Variants in PNLIPRP3 observed in about 807,000 individuals in gnomAD.
PNLIPRP3 encodes pancreatic lipase related protein 3.
In PNLIPRP3, 58 loss-of-function variants were observed where a neutral mutation model predicts 52.8. That is an observed-to-expected ratio of 1.10 (90% CI 0.89 to 1.37). The LOEUF (loss-of-function observed/expected upper bound fraction) is 1.37, where lower values mean the gene tolerates loss of function less well. Among genes scored for constraint, PNLIPRP3 ranks in the 40% most tolerant of loss-of-function variants. PNLIPRP3 has a pLI of 0.00. For synonymous variants in PNLIPRP3, 192 were observed against 185.0 expected, an observed-to-expected ratio of 1.04 and a Z score of -0.31; for missense variants, 593 against 561.6, an observed-to-expected ratio of 1.06 and a Z score of -0.57.
intron 4 of PNLIPRP3, among the ~76,000 whole-genome samples, chr10:116,450,899 CA>C (rs1846025017): frequency 1.0e-5 from 1 of 100,086 alleles, no homozygotes; most frequent in Non-Finnish European, 2.4e-5. Context: ...TAATACCTAT[CA>C]AAATTCCAGT....
chr10:116,435,316 A>G (rs1176177442), intron 1 of PNLIPRP3, among the ~76,000 whole-genome samples: 1 of 152,100 alleles, frequency 6.6e-6, no homozygotes, highest in African/African-American at 2.4e-5. Flanking sequence ...AGGGAGGAAG[A>G]GAGGGAGAGT....
chr10:116,477,270 T>TA lies in PNLIPRP3; in HGVS notation c.*117_*118insA, dbSNP rs1846488220. ...TAAATGACTTAGTCATTTACAAGGG[T>TA]CTTACTCAGAGTCAAGTACGGGTTT... On this transcript the variant is annotated 3_prime_UTR_variant, in exon 12 of 12. Coordinates refer to ENST00000369230, the MANE Select transcript of PNLIPRP3 (RefSeq NM_001011709.3). 5.3e-6 allele frequency: 4 copies of TA among 753,612 alleles called. No individual in the cohort carries two copies. In the East Asian group the frequency reaches 1.1e-4, roughly 21 times the overall value. 46.7% of individuals were successfully genotyped at this position (753,612 alleles called of 1,614,324 possible). A position where few individuals can be genotyped will look rare whatever the true frequency, so the allele number is the denominator to read the frequency against.
At chr10:116,456,843 G>T (rs1352906652) in intron 5 of PNLIPRP3, among the ~76,000 whole-genome samples, 1 of 152,118 alleles carries the variant, frequency 6.6e-6, no homozygotes, top group African/African-American at 2.4e-5. Context: ...TCCATCCTCT[G>T]GTCATTGTCC....
rs112348492 is a variant in PNLIPRP3 at position 116,443,493 on chromosome 10, T to C, written c.324+319T>C. ...GTTAACTCCATGAAATTAATCTTTC[T>C]CTCCTATACTTAAGATTAATAGACT... is the stretch of plus-strand genomic sequence containing the variant. On this transcript the variant is annotated intron_variant, in intron 3 of 11. Transcript: ENST00000369230. 2.7e-3 allele frequency among the ~76,000 whole-genome samples: 402 copies of C among 151,482 alleles called. 4 individuals carry two copies. The highest frequency in any genetic ancestry group is 9.3e-3 in the African/African-American group (386 of 41,378).
chr10:116,431,776 G>C (rs1420044794), intron 1 of PNLIPRP3, among the ~76,000 whole-genome samples: 1 of 152,068 alleles, frequency 6.6e-6, no homozygotes, highest in Non-Finnish European at 1.5e-5. Flanking sequence ...TCTTCTCCCT[G>C]TCTCCATTCC....
At chr10:116,444,133 T>A (rs1459139232) in intron 3 of PNLIPRP3, among the ~76,000 whole-genome samples, 1 of 151,732 alleles carries the variant, frequency 6.6e-6, no homozygotes, top group African/African-American at 2.4e-5. Context: ...TCATAAGAAC[T>A]CACTATCACG....
chr10:116,477,473 A>G lies in PNLIPRP3; in HGVS notation c.*320A>G, dbSNP rs1035811018. 6 of 184,666 alleles carry G rather than the reference A, an allele frequency of 3.2e-5. No individual in the cohort carries two copies. In the Admixed American group the frequency reaches 3.6e-4, roughly 11 times the overall value. 11.4% of individuals were successfully genotyped at this position (184,666 alleles called of 1,614,324 possible). On this transcript the variant is annotated 3_prime_UTR_variant, in exon 12 of 12. Coordinates refer to ENST00000369230, the MANE Select transcript of PNLIPRP3 (RefSeq NM_001011709.3). ...AAATGTATGTTGAGTGTATAAACTC[A>G]CTGGACAAAAGTAAGCCTCTGGCTT...
rs182735240 is a variant in PNLIPRP3 at position 116,457,499 on chromosome 10, A to C, written c.565+1669A>C. Among the ~76,000 whole-genome samples, 169 of 152,284 alleles carry C rather than the reference A, an allele frequency of 1.1e-3. 1 individual carries two copies. The highest frequency in any genetic ancestry group is 4.0e-3 in the African/African-American group (166 of 41,556). ...TGCAATCTGTTGATATAACAGGCTTATTCCTGCTATAAGTCATCTCTCTTC... is the reference window on the plus strand; with the variant it reads ...TGCAATCTGTTGATATAACAGGCTTCTTCCTGCTATAAGTCATCTCTCTTC... On this transcript the variant is annotated intron_variant, in intron 5 of 11. Transcript: ENST00000369230.
intron 2 of PNLIPRP3, among the ~76,000 whole-genome samples, 179 bp downstream of exon 2, chr10:116,437,044 T>C (rs1415880090): frequency 6.6e-6 from 1 of 151,956 alleles, no homozygotes; most frequent in African/African-American, 2.4e-5. Flanking sequence ...TATTATCTGT[T>C]CTGATATATC....
chr10:116,467,907 C>T (rs962584553), intron 8 of PNLIPRP3, among the ~76,000 whole-genome samples: 2 of 151,886 alleles, frequency 1.3e-5, no homozygotes, highest in African/African-American at 2.4e-5. Flanking sequence ...AGGCGGATCA[C>T]TAGGTCAGGA....
chr10:116,466,987 TC>T (rs1846289979), intron 8 of PNLIPRP3, among the ~76,000 whole-genome samples: 1 of 152,166 alleles, frequency 6.6e-6, no homozygotes, highest in South Asian at 2.1e-4. Flanking sequence ...ATCCTCCTTG[TC>T]CCCGACCTCT....
chr10:116,464,547 T>G (rs1370333917), intron 7 of PNLIPRP3, among the ~76,000 whole-genome samples: 1 of 152,186 alleles, frequency 6.6e-6, no homozygotes, highest in Non-Finnish European at 1.5e-5. Context: ...GTAGGGCAGG[T>G]GGCTTCAGGC....
chr10:116,450,399 G>C (rs1460153357), intron 4 of PNLIPRP3, among the ~76,000 whole-genome samples: 2 of 151,994 alleles, frequency 1.3e-5, no homozygotes, highest in Non-Finnish European at 2.9e-5. Flanking sequence ...GGATACCCCT[G>C]AACTAGATAA....
intron 5 of PNLIPRP3, among the ~76,000 whole-genome samples, chr10:116,456,750 G>A (rs1429374288): frequency 1.3e-5 from 2 of 152,190 alleles, no homozygotes; most frequent in Non-Finnish European, 2.9e-5. Context: ...TTTACCAACA[G>A]GCGGGGCTGG....
At chr10:116,435,296 G>T (rs1417975553) in intron 1 of PNLIPRP3, among the ~76,000 whole-genome samples, 1 of 152,026 alleles carries the variant, frequency 6.6e-6, no homozygotes, top group Admixed American at 6.6e-5. Context: ...GACAGACCTT[G>T]GAAGCTGGAA....
Position 116,436,814 on chromosome 10 carries a change from G to T in PNLIPRP3, c.153G>T (p.Lys51Asn). 3 of 1,613,388 alleles carry T rather than the reference G, an allele frequency of 1.9e-6. No individual in the cohort carries two copies. The highest frequency in any genetic ancestry group is 2.5e-6 in the Non-Finnish European group (3 of 1,179,624). Residue 51 changes from lysine (K) to asparagine (N), a missense_variant, in exon 2 of 12, where the codon AAG becomes AAT. Physicochemically the swap from Lys to Asn is moderately conservative, Grantham distance 94. Transcript: ENST00000369230. ...ELVGLPWSPE[K>N]INTRFLLYTI... Reference sequence around the variant, plus strand: ...TAGGTTTACCCTGGTCTCCAGAGAAGATAAACACTCGTTTCCTGCTCTACA... The same window carrying T: ...TAGGTTTACCCTGGTCTCCAGAGAATATAAACACTCGTTTCCTGCTCTACA...
At position 116,477,793 on chromosome 10, in the gene PNLIPRP3, G is replaced by A. The variant is rs952003991; in HGVS notation, c.*640G>A. ...TGGGACCTGAAGTTCAACAACCCAG[G>A]GTATAGCCCCCTTCCTCCAAAGTCC... On this transcript the variant is annotated 3_prime_UTR_variant, in exon 12 of 12. Coordinates refer to ENST00000369230, the MANE Select transcript of PNLIPRP3 (RefSeq NM_001011709.3). The A allele has an allele frequency of 5.3e-5, 8 of 152,000 alleles. No homozygotes were observed. Among genetic ancestry groups the A allele is most frequent in the African/African-American group, 1.9e-4 (8 of 41,400 alleles). The allele number at this position is 152,000 out of a possible 1,614,324, so 9.4% of individuals were successfully genotyped here. A position where few individuals can be genotyped will look rare whatever the true frequency, so the allele number is the denominator to read the frequency against.
intron 5 of PNLIPRP3, among the ~76,000 whole-genome samples, chr10:116,456,745 C>A (rs1464704065): frequency 6.6e-6 from 1 of 152,148 alleles, no homozygotes; most frequent in Non-Finnish European, 1.5e-5. Context: ...GCTCCTTTAC[C>A]AACAGGCGGG....
intron 7 of PNLIPRP3, among the ~76,000 whole-genome samples, chr10:116,465,816 A>G (rs1846274525): frequency 6.6e-6 from 1 of 152,194 alleles, no homozygotes. Flanking sequence ...AAAGTCATTC[A>G]CATTTGCTTT....
Sources: allele counts gnomAD v4.1 joint callset (sites outside exome capture counted in the v4.1 genomes callset), GRCh38; gene constraint gnomAD v4.1.1; transcripts MANE v1.5; gene names NCBI Gene and HGNC (gene_info 2026-07-23, HGNC 2026-07-21).